The following MYO5B variants were observed in gnomAD, a reference collection of about 807,000 sequenced individuals.
The protein encoded by MYO5B is unconventional myosin-Vb.
A neutral mutation model predicts 229.3 loss-of-function variants in MYO5B; 143 were observed. That is an observed-to-expected ratio of 0.62 (90% CI 0.54 to 0.72). The LOEUF (loss-of-function observed/expected upper bound fraction) is 0.72. MYO5B is among the 30% of genes least tolerant of loss of function. MYO5B has a pLI of 0.00. For synonymous variants in MYO5B, 918 were observed against 885.2 expected (o/e 1.04, Z -0.66); for missense variants, 2,321 against 2,331.0 (o/e 1.00, Z 0.09).
intron 2 of MYO5B, among the ~76,000 whole-genome samples, chr18:50,041,462 A>T (rs1486936766): frequency 6.6e-6 from 1 of 152,234 alleles, no homozygotes; most frequent in Admixed American, 6.5e-5. Context: ...AGATAGGCAG[A>T]TAAATCAAGT....
At chr18:50,117,168 TA>T (rs1340165470) in intron 1 of MYO5B, among the ~76,000 whole-genome samples, 1 of 152,028 alleles carries the variant, frequency 6.6e-6, no homozygotes, top group Non-Finnish European at 1.5e-5. Flanking sequence ...TTGGGGTGAT[TA>T]AAAAAAGCAA....
chr18:49,945,559 G>A (rs772971725), intron 14 of MYO5B, among the ~76,000 whole-genome samples: 81 of 152,094 alleles, frequency 5.3e-4, no homozygotes, highest in Non-Finnish European at 9.4e-4. Context: ...CATACCTCCG[G>A]GCACACCTTC....
chr18:49,937,290 G>A lies in MYO5B; in HGVS notation c.1860C>T (p.Pro620=), dbSNP rs533957873. The A allele has an allele frequency of 5.0e-6, 8 of 1,614,114 alleles. No homozygotes were observed. The highest frequency in any genetic ancestry group is 3.3e-5 in the Admixed American group (2 of 60,018). ...SKISVRSARP[P]MKVSNKEHKK... is the part of the protein sequence containing the mutation. Reference sequence around the variant, plus strand: ...TGTGCTCCTTGTTGGAGACTTTCATGGGGGGTCTGGCAGAACGGACGCTGA... The same window carrying A: ...TGTGCTCCTTGTTGGAGACTTTCATAGGGGGTCTGGCAGAACGGACGCTGA... Residue 620 remains proline (P), a synonymous_variant, in exon 15 of 40, where the codon CCC becomes CCT. Coordinates refer to ENST00000285039, the MANE Select transcript of MYO5B (RefSeq NM_001080467.3).
intron 33 of MYO5B, among the ~76,000 whole-genome samples, chr18:49,843,758 G>A (rs947676321): frequency 6.6e-6 from 1 of 152,232 alleles, no homozygotes; most frequent in Non-Finnish European, 1.5e-5. Context: ...GGAAGGCTGA[G>A]GACAGGGCCT....
Position 50,105,879 on chromosome 18 carries a change from T to C in MYO5B, c.28-50501A>G, listed in dbSNP as rs1599024506. On this transcript the variant is annotated intron_variant, in intron 1 of 39. Transcript: ENST00000285039. The stretch of plus-strand genomic sequence containing the variant: ...CCAGCTCAGCACCTTCCAGTGTTTC[T>C]GGCACAAAAACAGAGCTCTTTGTTG... Among the ~76,000 whole-genome samples the C allele has an allele frequency of 2.0e-5, 3 of 152,132 alleles. No individual in the cohort carries two copies. The East Asian group carries it at 5.8e-4, about 29-fold the overall frequency.
At chr18:49,910,028 C>T (rs1018744631) in intron 18 of MYO5B, among the ~76,000 whole-genome samples, 23 of 152,148 alleles carry the variant, frequency 1.5e-4, no homozygotes, top group African/African-American at 5.6e-4. Flanking sequence ...ATGCTATGGG[C>T]TCTAAGAGTG....
At chr18:50,110,373 C>T (rs1380810685) in intron 1 of MYO5B, among the ~76,000 whole-genome samples, 2 of 152,158 alleles carry the variant, frequency 1.3e-5, no homozygotes, top group Non-Finnish European at 2.9e-5. Flanking sequence ...ACCTTCCTCC[C>T]TCATTTGCTC....
chr18:50,049,473 C>A (rs1178079132), intron 2 of MYO5B, among the ~76,000 whole-genome samples: 1 of 152,232 alleles, frequency 6.6e-6, no homozygotes, highest in Non-Finnish European at 1.5e-5. Flanking sequence ...ACTGCTTACA[C>A]ATTCTGTCAG....
chr18:49,966,806 T>C (rs1367536355), intron 10 of MYO5B, among the ~76,000 whole-genome samples: 2 of 152,230 alleles, frequency 1.3e-5, no homozygotes, highest in African/African-American at 4.8e-5. Context: ...TCTAGCATAA[T>C]TACTTAAATG....
intron 1 of MYO5B, 58 bp from the exon 2 acceptor site, chr18:50,055,436 T>C (rs2030522873): frequency 2.1e-6 from 3 of 1,402,682 alleles, no homozygotes; most frequent in Admixed American, 1.7e-5. Flanking sequence ...GATTTCTAAA[T>C]GTGTGTCACT....
chr18:50,154,443 G>T (rs187041567), intron 1 of MYO5B, among the ~76,000 whole-genome samples: 13 of 152,198 alleles, frequency 8.5e-5, no homozygotes, highest in African/African-American at 3.1e-4. Context: ...TGATTGGTAC[G>T]GGATTTGTCT....
chr18:50,093,393 G>C (rs891587777), intron 1 of MYO5B, among the ~76,000 whole-genome samples: 1 of 152,200 alleles, frequency 6.6e-6, no homozygotes, highest in African/African-American at 2.4e-5. Flanking sequence ...TTGAGGATGG[G>C]AAGAGTAAAT....
intron 1 of MYO5B, among the ~76,000 whole-genome samples, chr18:50,095,824 A>G (rs894883220): frequency 6.6e-5 from 10 of 152,338 alleles, no homozygotes; most frequent in African/African-American, 9.6e-5. Context: ...CACTGAAAGC[A>G]ATCTTTTAAG....
At chr18:50,007,074 G>A (rs568779916) in intron 4 of MYO5B, among the ~76,000 whole-genome samples, 14 of 152,240 alleles carry the variant, frequency 9.2e-5, no homozygotes, top group East Asian at 3.9e-4. Flanking sequence ...GGTGGCACCC[G>A]TGGTATCCTC....
In MYO5B at chr18:49,937,574, CCA is replaced by C. The variant is rs576938865; in HGVS notation, c.1753-179_1753-178del. Among the ~76,000 whole-genome samples the C allele has an allele frequency of 3.2e-3, 493 of 152,230 alleles. 1 individual carries two copies. The highest frequency in any genetic ancestry group is 0.01 in the Middle Eastern group (3 of 294). On this transcript the variant is annotated intron_variant, in intron 14 of 39. Coordinates refer to ENST00000285039, the MANE Select transcript of MYO5B (RefSeq NM_001080467.3). ...AAAAGCGCCACAAGGTAGGAACAAC[CCA>C]AATACCAACTGATGAATGGACAAAC...
intron 4 of MYO5B, among the ~76,000 whole-genome samples, chr18:50,027,910 C>T (rs1039829393): frequency 6.6e-5 from 10 of 152,082 alleles, no homozygotes; most frequent in African/African-American, 1.9e-4. Flanking sequence ...CTCAGCATAC[C>T]AAAGGGAAAA....
At chr18:50,142,393 A>G (rs1435307164) in intron 1 of MYO5B, among the ~76,000 whole-genome samples, 1 of 152,180 alleles carries the variant, frequency 6.6e-6, no homozygotes, top group African/African-American at 2.4e-5. Context: ...AGGAAGTGCA[A>G]TTCTACCAAG....
intron 1 of MYO5B, among the ~76,000 whole-genome samples, chr18:50,102,303 C>G (rs1264905943): frequency 1.3e-5 from 2 of 151,860 alleles, no homozygotes; most frequent in African/African-American, 4.8e-5. Flanking sequence ...TGGCACACCA[C>G]ATACTTATGT....
intron 4 of MYO5B, among the ~76,000 whole-genome samples, chr18:50,017,943 A>G (rs1416538195): frequency 2.0e-5 from 3 of 152,246 alleles, no homozygotes; most frequent in Non-Finnish European, 4.4e-5. Flanking sequence ...CTTTAAACAC[A>G]GAAACGAATT....
Sources: allele counts gnomAD v4.1 joint callset (sites outside exome capture counted in the v4.1 genomes callset), GRCh38; gene constraint gnomAD v4.1.1; transcripts MANE v1.5; gene names NCBI Gene and HGNC (gene_info 2026-07-23, HGNC 2026-07-21).